The following DZANK1 variants were observed in gnomAD, a reference collection of about 807,000 sequenced individuals.
The protein encoded by DZANK1 is double zinc ribbon and ankyrin repeat domains 1.
DZANK1 carries 91 observed loss-of-function variants against 94.5 expected under a neutral mutation model. That is an observed-to-expected ratio of 0.96 (90% CI 0.81 to 1.15). The LOEUF is 1.15. DZANK1 is among the 50% of genes most tolerant of loss of function. DZANK1 has a pLI of 0.00. For missense variants in DZANK1, 903 were observed against 916.4 expected (o/e 0.99, Z 0.19); for synonymous variants, 312 against 325.3 (o/e 0.96, Z 0.44).
chr20:18,448,499 T>C (rs781763875), intron 7 of DZANK1, among the ~76,000 whole-genome samples: 53 of 152,324 alleles, frequency 3.5e-4, no homozygotes, highest in Non-Finnish European at 6.6e-4. Flanking sequence ...CATACATACA[T>C]AGTCAAATGA....
intron 19 of DZANK1, among the ~76,000 whole-genome samples, chr20:18,389,158 T>C (rs1243556178): frequency 3.9e-5 from 6 of 152,162 alleles, no homozygotes; most frequent in Admixed American, 3.9e-4. Flanking sequence ...GGACCAAGAC[T>C]GGGAGGGTAA....
At chr20:18,386,430 G>A (rs555312196) in intron 19 of DZANK1, among the ~76,000 whole-genome samples, 159 of 152,132 alleles carry the variant, frequency 1.0e-3, no homozygotes, top group Non-Finnish European at 1.9e-3. Flanking sequence ...CAAACACAAG[G>A]AATTTAAAAC....
rs114779213 is a variant in DZANK1, at chr20:18,406,194, G to A, written c.1432+6452C>T. Among the ~76,000 whole-genome samples, 517 of 152,324 alleles carry A rather than the reference G, an allele frequency of 3.4e-3. 5 individuals are homozygous for A. The highest frequency in any genetic ancestry group is 0.012 in the African/African-American group (496 of 41,572). ...CAGAGGCAGTAAACTCGGGTGGCACGTGACCTAGGGAGACACCAGCTGGCA... is the reference window on the plus strand; with the variant it reads ...CAGAGGCAGTAAACTCGGGTGGCACATGACCTAGGGAGACACCAGCTGGCA... On this transcript the variant is annotated intron_variant, in intron 13 of 20. Transcript: ENST00000262547.
At chr20:18,414,253 G>T in intron 12 of DZANK1, 95 bp downstream of exon 12, 1 of 1,429,686 alleles carries the variant, frequency 7.0e-7, no homozygotes, top group Non-Finnish European at 9.4e-7. Context: ...AAAGTTTTGG[G>T]TCTCTTCCCC....
At chr20:18,461,935 C>T (rs2059487203) in intron 2 of DZANK1, among the ~76,000 whole-genome samples, 1 of 151,862 alleles carries the variant, frequency 6.6e-6, no homozygotes, top group Non-Finnish European at 1.5e-5. Context: ...TCCAAACTGC[C>T]CTCCATGGAT....
At chr20:18,409,469 T>G (rs958138186) in intron 13 of DZANK1, among the ~76,000 whole-genome samples, 1 of 151,536 alleles carries the variant, frequency 6.6e-6, no homozygotes, top group Non-Finnish European at 1.5e-5. Flanking sequence ...AACAGAGAAT[T>G]CATTGCTAGC....
At chr20:18,449,129 G>C (rs1365582050) in intron 6 of DZANK1, 60 bp from the exon 7 acceptor site, 12 of 1,364,074 alleles carry the variant, frequency 8.8e-6, no homozygotes, top group East Asian at 6.9e-5. Context: ...CATGGTAAAG[G>C]CTATGGTATA....
chr20:18,445,609 A>T (rs957275968), intron 7 of DZANK1, among the ~76,000 whole-genome samples: 1 of 152,200 alleles, frequency 6.6e-6, no homozygotes, highest in Non-Finnish European at 1.5e-5. Context: ...TAAATTTGAC[A>T]TAAGCACCAG....
chr20:18,424,736 CTA>C (rs750662094), intron 10 of DZANK1, among the ~76,000 whole-genome samples: 1 of 152,120 alleles, frequency 6.6e-6, no homozygotes, highest in Non-Finnish European at 1.5e-5. Context: ...AAAATGAAAA[CTA>C]TGCCCACACA....
chr20:18,385,034 C>T, exon 20 of DZANK1: 1 of 1,552,752 alleles, frequency 6.4e-7, no homozygotes, highest in Non-Finnish European at 8.7e-7. Context: ...AGTGGCGGTG[C>T]TCTCTCTTCC....
In DZANK1 at chr20:18,399,944, G is replaced by C. The variant is rs148285141; in HGVS notation, c.1433-1318C>G. On this transcript the variant is annotated intron_variant, in intron 13 of 20. Transcript: ENST00000262547. ...AAAGCAATCAGAGGGATTTTCCAAG[G>C]TCATGCAGCATGGTTCAGTGGAAAG... Among the ~76,000 whole-genome samples, 366 of 152,300 alleles carry C rather than the reference G, an allele frequency of 2.4e-3. 5 individuals carry two copies. Among genetic ancestry groups the C allele is most frequent in the Admixed American group, 0.02 (306 of 15,296 alleles).
At chr20:18,448,329 T>C (rs2058959758) in intron 7 of DZANK1, among the ~76,000 whole-genome samples, 2 of 152,180 alleles carry the variant, frequency 1.3e-5, no homozygotes. Flanking sequence ...TTGAATCACA[T>C]GCAAGTTAAA....
intron 6 of DZANK1, 36 bp from the exon 7 acceptor site, chr20:18,449,105 T>G: frequency 6.5e-7 from 1 of 1,545,968 alleles, no homozygotes; most frequent in Non-Finnish European, 8.9e-7. Context: ...GACAGAGTCA[T>G]ATAGTCAAAA....
At chr20:18,448,815 CA>C (rs1207313207) in intron 7 of DZANK1, among the ~76,000 whole-genome samples, 168 bp downstream of exon 7, 6 of 138,972 alleles carry the variant, frequency 4.3e-5, no homozygotes, top group South Asian at 4.5e-4. Context: ...TGCAGTGAGC[CA>C]AAACTGCACC....
chr20:18,398,381 G>A, intron 14 of DZANK1, 142 bp downstream of exon 14: 1 of 714,944 alleles, frequency 1.4e-6, no homozygotes, highest in East Asian at 2.6e-5. Flanking sequence ...GAGCTCACAA[G>A]GCAGAAGAGT....
chr20:18,435,304 G>T (rs1448513252), intron 8 of DZANK1, among the ~76,000 whole-genome samples: 3 of 152,124 alleles, frequency 2.0e-5, no homozygotes, highest in Non-Finnish European at 2.9e-5. Context: ...AGGAAAAGCT[G>T]CTGCTCTACT....
intron 19 of DZANK1, among the ~76,000 whole-genome samples, chr20:18,387,693 A>G (rs1195657654): frequency 1.3e-5 from 2 of 152,202 alleles, no homozygotes; most frequent in African/African-American, 2.4e-5. Context: ...TTGGTGGAGG[A>G]TGTGAATTTC....
chr20:18,453,958 C>T, intron 4 of DZANK1, 131 bp from the exon 5 acceptor site: 1 of 774,868 alleles, frequency 1.3e-6, no homozygotes, highest in South Asian at 1.4e-5. Context: ...ACAAAGTGAC[C>T]CCTGTTTCAC....
intron 3 of DZANK1, 86 bp from the exon 4 acceptor site, chr20:18,455,447 G>A (rs2059253714): frequency 1.2e-6 from 1 of 850,188 alleles, no homozygotes; most frequent in African/African-American, 1.7e-5. Flanking sequence ...TTATTAAAGT[G>A]CCTTAGTCTA....
Sources: gnomAD v4.1 joint callset for allele counts (sites outside exome capture counted in the v4.1 genomes callset) on GRCh38, gnomAD v4.1.1 for gene constraint, MANE v1.5 for transcripts, NCBI Gene and HGNC (gene_info 2026-07-23, HGNC 2026-07-21) for gene names.